Variants in IL20RB observed in about 807,000 individuals in gnomAD.
The protein encoded by IL20RB is interleukin-20 receptor subunit beta.
Under a neutral mutation model 33.3 loss-of-function variants are expected in IL20RB, and 21 were observed. The ratio of observed to expected loss-of-function variants is 0.63; its 90% CI spans 0.45 to 0.91. The LOEUF is 0.91. Ranked by LOEUF, IL20RB falls within the 40% of genes least tolerant of loss-of-function variation. The probability of loss-of-function intolerance (pLI) is 0.00; values close to 1 mark genes in which losing one functional copy is unlikely to be tolerated. For synonymous variants in IL20RB, 147 were observed against 146.8 expected (o/e 1.00, Z -0.01); for missense variants, 345 against 384.8 (o/e 0.90, Z 0.86).
intron 6 of IL20RB, among the ~76,000 whole-genome samples, chr3:137,009,480 A>G (rs1268375653): frequency 6.6e-6 from 1 of 152,188 alleles, no homozygotes; most frequent in Admixed American, 6.6e-5. Context: ...CTGTTCATAA[A>G]GCATCTCAGA....
At chr3:136,988,698 G>A (rs1577025537) in intron 3 of IL20RB, among the ~76,000 whole-genome samples, 1 of 149,128 alleles carries the variant, frequency 6.7e-6, no homozygotes, top group East Asian at 2.0e-4. Context: ...AGCCATGATA[G>A]TGCCACTATA....
In IL20RB at chr3:137,010,687, A is replaced by T. The variant is rs1348112968; in HGVS notation, c.*464A>T. The T allele has an allele frequency of 6.5e-6, 1 of 153,684 alleles. No homozygotes were observed. 9.5% of individuals were successfully genotyped at this position (153,684 alleles called of 1,614,324 possible). On this transcript the variant is annotated 3_prime_UTR_variant, in exon 7 of 7. Coordinates refer to ENST00000329582, the MANE Select transcript of IL20RB (RefSeq NM_144717.4). ...AGCAGGACATAAATGTATGATGAGAATGATCAAGGACTCTACACACTGGGT... is the reference window on the plus strand; with the variant it reads ...AGCAGGACATAAATGTATGATGAGATTGATCAAGGACTCTACACACTGGGT...
At chr3:136,989,197 GAA>G (rs2108207010) in intron 3 of IL20RB, among the ~76,000 whole-genome samples, 1 of 152,304 alleles carries the variant, frequency 6.6e-6, no homozygotes, top group African/African-American at 2.4e-5. Context: ...GATTAAAAAA[GAA>G]GAGAATTATA....
At chr3:136,982,833 CTT>C (rs1253551053) in intron 3 of IL20RB, among the ~76,000 whole-genome samples, 8 of 152,324 alleles carry the variant, frequency 5.3e-5, no homozygotes, top group African/African-American at 1.9e-4. Context: ...AAATAAATAA[CTT>C]TTCTTTTGGA....
At chr3:136,972,870 G>A (rs1941522817) in intron 1 of IL20RB, among the ~76,000 whole-genome samples, 1 of 151,078 alleles carries the variant, frequency 6.6e-6, no homozygotes, top group African/African-American at 2.4e-5. Flanking sequence ...CCAGTTCCTT[G>A]AGATGCATTG....
intron 6 of IL20RB, among the ~76,000 whole-genome samples, chr3:136,997,901 G>T (rs1289847030): frequency 6.6e-6 from 1 of 151,852 alleles, no homozygotes; most frequent in Non-Finnish European, 1.5e-5. Flanking sequence ...CTCCTGAGTA[G>T]CTGGGACTAC....
intron 3 of IL20RB, among the ~76,000 whole-genome samples, chr3:136,987,485 C>T (rs1224741805): frequency 6.6e-6 from 1 of 152,238 alleles, no homozygotes; most frequent in African/African-American, 2.4e-5. Flanking sequence ...CATAAAGATT[C>T]TCCAAGGCCC....
intron 6 of IL20RB, among the ~76,000 whole-genome samples, chr3:137,006,363 C>T (rs948956862): frequency 4.6e-5 from 7 of 152,174 alleles, no homozygotes; most frequent in African/African-American, 1.7e-4. Context: ...AGAGTGTTTT[C>T]CAACTTGGTT....
At chr3:136,976,013 G>T (rs1022553469) in intron 1 of IL20RB, among the ~76,000 whole-genome samples, 8 of 152,208 alleles carry the variant, frequency 5.3e-5, no homozygotes, top group African/African-American at 1.9e-4. Context: ...TCCGAGAGTT[G>T]TCCTTTTATG....
chr3:137,003,595 G>A (rs1167301607), intron 6 of IL20RB, among the ~76,000 whole-genome samples: 1 of 152,188 alleles, frequency 6.6e-6, no homozygotes, highest in African/African-American at 2.4e-5. Flanking sequence ...AGGAATGCTT[G>A]TGAGTTTTGC....
At position 136,999,559 on chromosome 3, in the gene IL20RB, T is replaced by TA. The variant is rs1346023903; in HGVS notation, c.825+4003_825+4004insA. Among the ~76,000 whole-genome samples the TA allele has an allele frequency of 1.3e-4, 19 of 147,138 alleles. No homozygotes were observed. The East Asian group carries it at 2.7e-3, about 21-fold the overall frequency. On this transcript the variant is annotated intron_variant, in intron 6 of 6. Transcript: ENST00000329582. ...TCCCAGCCCATATTTCTTCAGGTATTTTTTTTTTTTTTGTCTCATTCTCTT... is the reference window on the plus strand; with the variant it reads ...TCCCAGCCCATATTTCTTCAGGTATTATTTTTTTTTTTTGTCTCATTCTCTT...
chr3:136,960,138 CTTTTTTTTTTTTTTT>C (rs10540948), intron 1 of IL20RB, among the ~76,000 whole-genome samples: 11 of 36,196 alleles, frequency 3.0e-4, no homozygotes, highest in Non-Finnish European at 2.9e-4. Context: ...AGAGTTGTGG[CTTTTTTTTTTTTTTT>C]TTTTTTTTTT....
At chr3:136,983,245 G>T (rs984830913) in intron 3 of IL20RB, among the ~76,000 whole-genome samples, 13 of 152,102 alleles carry the variant, frequency 8.5e-5, no homozygotes, top group Admixed American at 8.5e-4. Flanking sequence ...GCACCACCAT[G>T]CCTGGCTAAT....
intron 1 of IL20RB, among the ~76,000 whole-genome samples, chr3:136,974,603 C>T (rs1395387765): frequency 1.3e-5 from 2 of 152,218 alleles, no homozygotes; most frequent in East Asian, 3.9e-4. Context: ...ACTATAATGA[C>T]CATTTTACAT....
chr3:136,996,870 C>T (rs1433039816), intron 6 of IL20RB, among the ~76,000 whole-genome samples: 3 of 152,134 alleles, frequency 2.0e-5, no homozygotes, highest in African/African-American at 7.2e-5. Flanking sequence ...ACAGGGTGGG[C>T]CTTTATTACC....
At position 136,958,035 on chromosome 3, in the gene IL20RB, C is replaced by T. The variant is rs2108165635; in HGVS notation, c.-79C>T. ...AGACCTCAGCTCCAACATATGCATT[C>T]TGAAGAAAGATGGCTGAGATGGACA... is the stretch of plus-strand genomic sequence containing the variant. On this transcript the variant is annotated 5_prime_UTR_variant, in exon 1 of 7. Transcript: ENST00000329582. The T allele has an allele frequency of 3.3e-6, 3 of 896,678 alleles. No homozygotes were observed. In the East Asian group the frequency reaches 7.3e-5, roughly 22 times the overall value. The allele number at this position is 896,678 out of a possible 1,614,324, so 55.5% of individuals were successfully genotyped here.
At chr3:136,994,614 G>A (rs1942092004) in intron 5 of IL20RB, among the ~76,000 whole-genome samples, 1 of 152,158 alleles carries the variant, frequency 6.6e-6, no homozygotes, top group Non-Finnish European at 1.5e-5. Context: ...GGCCCAGAGA[G>A]GCTAATGGAG....
At chr3:136,999,982 G>A (rs928906107) in intron 6 of IL20RB, among the ~76,000 whole-genome samples, 3 of 152,158 alleles carry the variant, frequency 2.0e-5, no homozygotes, top group Non-Finnish European at 4.4e-5. Context: ...GGTGGGTCAT[G>A]TCAAGGTTGG....
chr3:136,958,112 A>C lies in IL20RB; in HGVS notation c.-2A>C. On this transcript the variant is annotated 5_prime_UTR_variant, in exon 1 of 7. Coordinates refer to ENST00000329582, the MANE Select transcript of IL20RB (RefSeq NM_144717.4). Reference sequence around the variant, plus strand: ...TGTTCTAGGTCAAACTGAGTCTACCAAATGCAGACTTTCACAATGGTTCTA... The same window carrying C: ...TGTTCTAGGTCAAACTGAGTCTACCCAATGCAGACTTTCACAATGGTTCTA... 6 of 1,578,992 alleles carry C rather than the reference A, an allele frequency of 3.8e-6. No individual in the cohort carries two copies. Among genetic ancestry groups the C allele is most frequent in the Non-Finnish European group, 5.2e-6 (6 of 1,148,474 alleles).
Sources: allele counts gnomAD v4.1 joint callset (sites outside exome capture counted in the v4.1 genomes callset), GRCh38; gene constraint gnomAD v4.1.1; transcripts MANE v1.5; gene names NCBI Gene and HGNC (gene_info 2026-07-23, HGNC 2026-07-21).